CDK6: variants seen among roughly 807,000 people sequenced by gnomAD.
CDK6 encodes cyclin-dependent kinase 6.
CDK6 carries 6 observed loss-of-function variants against 37.1 expected under a neutral mutation model. That is an observed-to-expected ratio of 0.16 (90% CI 0.09 to 0.32). The LOEUF is 0.32. CDK6 is among the 10% of genes least tolerant of loss of function. The pLI, the probability that CDK6 is intolerant of heterozygous loss-of-function variation, is 1.00. For missense variants in CDK6, 224 were observed against 418.9 expected (o/e 0.53, Z 4.06); for synonymous variants, 160 against 161.3 (o/e 0.99, Z 0.06).
At chr7:92,639,485 A>G (rs1238703906) in intron 5 of CDK6, among the ~76,000 whole-genome samples, 2 of 152,228 alleles carry the variant, frequency 1.3e-5, no homozygotes, top group Non-Finnish European at 2.9e-5. Flanking sequence ...ATTACTGGAC[A>G]GCATGGCTTT....
At chr7:92,706,004 T>A (rs1444265380) in intron 4 of CDK6, among the ~76,000 whole-genome samples, 1 of 152,252 alleles carries the variant, frequency 6.6e-6, no homozygotes, top group East Asian at 1.9e-4. Flanking sequence ...TTTAACTTTC[T>A]TGAAAGGTTA....
At chr7:92,672,080 T>A (rs1797083170) in intron 4 of CDK6, among the ~76,000 whole-genome samples, 1 of 146,896 alleles carries the variant, frequency 6.8e-6, no homozygotes, top group Admixed American at 6.9e-5. Context: ...TCAGACTTCA[T>A]CACTATACAA....
At chr7:92,632,914 T>C (rs1353624435) in intron 5 of CDK6, among the ~76,000 whole-genome samples, 2 of 150,580 alleles carry the variant, frequency 1.3e-5, no homozygotes, top group Non-Finnish European at 3.0e-5. Flanking sequence ...CAAATGGATA[T>C]GATGGTATCT....
chr7:92,674,322 CATACCTTGTAACATAGCTCATAAT>C (rs1186826626), intron 4 of CDK6, among the ~76,000 whole-genome samples: 1 of 152,200 alleles, frequency 6.6e-6, no homozygotes, highest in East Asian at 1.9e-4. Context: ...ATCTGAAAAT[CATACCTTGTAACATAGCTCATAAT>C]ATGGTTTGTT....
intron 2 of CDK6, among the ~76,000 whole-genome samples, chr7:92,809,711 G>T (rs949447922): frequency 6.6e-6 from 1 of 152,206 alleles, no homozygotes; most frequent in Non-Finnish European, 1.5e-5. Flanking sequence ...AATCCAGTGT[G>T]AAATATAATG....
chr7:92,655,778 T>C (rs1052471431), intron 5 of CDK6, among the ~76,000 whole-genome samples: 2 of 152,248 alleles, frequency 1.3e-5, no homozygotes, highest in Non-Finnish European at 2.9e-5. Flanking sequence ...TCTTGAATTG[T>C]CCCTTGCAAT....
chr7:92,653,049 G>A (rs2116563334), intron 5 of CDK6, among the ~76,000 whole-genome samples: 1 of 152,326 alleles, frequency 6.6e-6, no homozygotes. Flanking sequence ...TTCAACAAGA[G>A]AGAAGTCTGA....
rs371049252 is a variant in CDK6, at chr7:92,654,570, C to A, written c.647+16856G>T. ...TCTCTGTCCCCACTTACTAAATATC[C>A]CATTCTTCTCACCTCCAGACCCCTA... On this transcript the variant is annotated intron_variant, in intron 5 of 7. Transcript: ENST00000424848. Among the ~76,000 whole-genome samples, 181 of 152,116 alleles carry A rather than the reference C, an allele frequency of 1.2e-3. 1 individual carries two copies. The highest frequency in any genetic ancestry group is 4.3e-3 in the African/African-American group (178 of 41,496).
In CDK6 at chr7:92,799,649, G is replaced by A. The variant is rs897133739; in HGVS notation, c.234-24818C>T. ...GCCTGTGCTGTGAAGGTTGGCATGG[G>A]TGAACAAGTCACTTAGCTGGTGACA... On this transcript the variant is annotated intron_variant, in intron 2 of 7. Transcript: ENST00000424848. 2.6e-5 allele frequency among the ~76,000 whole-genome samples: 4 copies of A among 152,206 alleles called. No individual in the cohort carries two copies. In the East Asian group the frequency reaches 7.7e-4, roughly 29 times the overall value.
chr7:92,682,438 A>G (rs555649968), intron 4 of CDK6, among the ~76,000 whole-genome samples: 2 of 152,196 alleles, frequency 1.3e-5, no homozygotes, highest in African/African-American at 4.8e-5. Context: ...TCACAACCCC[A>G]TTCTTAATTC....
rs192363024 is a variant in CDK6 at position 92,609,613 on chromosome 7, T to C, written c.*5527A>G. On this transcript the variant is annotated 3_prime_UTR_variant, in exon 8 of 8. Coordinates refer to ENST00000424848, the MANE Select transcript of CDK6 (RefSeq NM_001145306.2). ...GCTCACCTGATCTTTAAATTAGGATTTTAAAATTTAATCAATGTTGAAAGG... is the reference window on the plus strand; with the variant it reads ...GCTCACCTGATCTTTAAATTAGGATCTTAAAATTTAATCAATGTTGAAAGG... 108 of 230,814 alleles carry C rather than the reference T, an allele frequency of 4.7e-4. No homozygotes were observed. Among genetic ancestry groups the C allele is most frequent in the African/African-American group, 2.3e-3 (103 of 45,338 alleles). 14.3% of individuals were successfully genotyped at this position (230,814 alleles called of 1,614,324 possible).
intron 4 of CDK6, among the ~76,000 whole-genome samples, chr7:92,717,320 C>T (rs1046877138): frequency 7.1e-5 from 10 of 140,792 alleles, no homozygotes; most frequent in East Asian, 2.1e-4. Flanking sequence ...CTAGCCTGGA[C>T]GACACAGCAA....
rs547662123 is a variant in CDK6 at position 92,673,938 on chromosome 7, C to T, written c.538-2403G>A. Among the ~76,000 whole-genome samples the T allele has an allele frequency of 1.8e-4, 28 of 152,016 alleles. No individual in the cohort carries two copies. In the South Asian group the frequency reaches 2.9e-3, roughly 16 times the overall value. ...GACTACAGGCGCACGCCACCACACC[C>T]GGCTAATTTTTTTTGTATTTTAGTA... is the stretch of plus-strand genomic sequence containing the variant. On this transcript the variant is annotated intron_variant, in intron 4 of 7. Transcript: ENST00000424848.
At chr7:92,628,863 G>A (rs1795990114) in intron 5 of CDK6, among the ~76,000 whole-genome samples, 1 of 152,106 alleles carries the variant, frequency 6.6e-6, no homozygotes, top group Non-Finnish European at 1.5e-5. Context: ...GAAGCAGCAA[G>A]AGGCAAGCAG....
At chr7:92,737,917 G>A (rs1193930629) in intron 3 of CDK6, among the ~76,000 whole-genome samples, 3 of 152,186 alleles carry the variant, frequency 2.0e-5, no homozygotes, top group Admixed American at 2.0e-4. Context: ...TTGTAGTGGT[G>A]AGAAACTGAA....
intron 2 of CDK6, among the ~76,000 whole-genome samples, chr7:92,819,677 T>C (rs571462526): frequency 6.6e-6 from 1 of 152,046 alleles, no homozygotes; most frequent in Non-Finnish European, 1.5e-5. Flanking sequence ...TGGAGGACTT[T>C]AAAAAAATTC....
chr7:92,813,587 T>C (rs891573847), intron 2 of CDK6, among the ~76,000 whole-genome samples: 3 of 152,112 alleles, frequency 2.0e-5, no homozygotes, highest in Non-Finnish European at 4.4e-5. Context: ...AGGGAAAAAA[T>C]AGCGATAGAA....
intron 5 of CDK6, among the ~76,000 whole-genome samples, chr7:92,649,897 C>T (rs998538713): frequency 1.3e-5 from 2 of 152,204 alleles, no homozygotes; most frequent in South Asian, 2.1e-4. Context: ...AGGTAAGTAG[C>T]CTTCAGAGCT....
chr7:92,682,083 G>C (rs1797350337), intron 4 of CDK6, among the ~76,000 whole-genome samples: 2 of 152,052 alleles, frequency 1.3e-5, no homozygotes, highest in Admixed American at 1.3e-4. Flanking sequence ...ATTCCATCGA[G>C]AGCATGTCCT....
Sources: allele counts gnomAD v4.1 joint callset (sites outside exome capture counted in the v4.1 genomes callset), GRCh38; gene constraint gnomAD v4.1.1; transcripts MANE v1.5; gene names NCBI Gene and HGNC (gene_info 2026-07-23, HGNC 2026-07-21).